SAMTOR: variants seen among roughly 807,000 people sequenced by gnomAD.
The protein encoded by SAMTOR is S-adenosylmethionine sensor upstream of mTORC1, also known as UPF0532 protein C7orf60.
At chr7:112,884,791 G>A in the SAMTOR span, among the ~76,000 whole-genome samples, 4 of 152,134 alleles carry the variant, frequency 2.6e-5, no homozygotes, top group African/African-American at 9.7e-5. Context: ...TCTGGAGGAT[G>A]GTGGCTCTCT....
the SAMTOR span, among the ~76,000 whole-genome samples, chr7:112,885,998 G>T: frequency 2.0e-5 from 3 of 152,166 alleles, no homozygotes; most frequent in African/African-American, 7.2e-5. Flanking sequence ...TACAATCATG[G>T]TGGAAGGGAA....
chr7:112,922,535 C>A, the SAMTOR span, among the ~76,000 whole-genome samples: 5 of 151,920 alleles, frequency 3.3e-5, no homozygotes, highest in Admixed American at 1.3e-4. Flanking sequence ...GGCCGCCATC[C>A]CATCTAGGAA....
chr7:112,870,313 C>T, the SAMTOR span, among the ~76,000 whole-genome samples: 1 of 152,154 alleles, frequency 6.6e-6, no homozygotes, highest in Non-Finnish European at 1.5e-5. Context: ...GGAAACCCAT[C>T]TGGCTAACAA....
At chr7:112,914,855 G>C in the SAMTOR span, among the ~76,000 whole-genome samples, 3 of 152,130 alleles carry the variant, frequency 2.0e-5, no homozygotes, top group African/African-American at 7.2e-5. Flanking sequence ...TGAAGCAAAA[G>C]GGAGAAAAGT....
chr7:112,838,338 T>C, the SAMTOR span, among the ~76,000 whole-genome samples: 4 of 151,950 alleles, frequency 2.6e-5, no homozygotes, highest in South Asian at 2.1e-4. Context: ...TTGTTAATCA[T>C]GTTGTTCAAA....
the SAMTOR span, among the ~76,000 whole-genome samples, chr7:112,856,735 A>G: frequency 2.0e-5 from 3 of 149,062 alleles, no homozygotes; most frequent in Non-Finnish European, 2.9e-5. Flanking sequence ...ATGTAAAAAT[A>G]TTTATTGTCC....
At chr7:112,853,148 T>G in the SAMTOR span, among the ~76,000 whole-genome samples, 3 of 152,280 alleles carry the variant, frequency 2.0e-5, no homozygotes, top group African/African-American at 7.2e-5. Context: ...TCCTTAAATT[T>G]TCACTTCTGA....
the SAMTOR span, among the ~76,000 whole-genome samples, chr7:112,907,851 T>G: frequency 6.9e-6 from 1 of 145,826 alleles, no homozygotes; most frequent in South Asian, 2.2e-4. Context: ...ACTTATTTAT[T>G]TATTTATTTA....
the SAMTOR span, among the ~76,000 whole-genome samples, chr7:112,884,526 G>A: frequency 6.6e-6 from 1 of 152,158 alleles, no homozygotes; most frequent in African/African-American, 2.4e-5. Context: ...AGGGGCTACA[G>A]GTTCCATATA....
chr7:112,917,581 G>C, the SAMTOR span, among the ~76,000 whole-genome samples: 2 of 152,216 alleles, frequency 1.3e-5, no homozygotes, highest in African/African-American at 4.8e-5. Context: ...ACCAGCAACG[G>C]AATAAAGCTT....
chr7:112,930,830 G>A, the SAMTOR span, among the ~76,000 whole-genome samples: 2 of 152,146 alleles, frequency 1.3e-5, no homozygotes, highest in Non-Finnish European at 2.9e-5. Context: ...GAAGTAGAGC[G>A]ATTAAGTAAA....
chr7:112,937,336 T>C, the SAMTOR span, among the ~76,000 whole-genome samples: 3 of 152,300 alleles, frequency 2.0e-5, no homozygotes, highest in African/African-American at 7.2e-5. Flanking sequence ...TTATTGGTGC[T>C]ATAGTTCAGG....
chr7:112,826,949 T>C, the SAMTOR span, among the ~76,000 whole-genome samples: 1 of 152,192 alleles, frequency 6.6e-6, no homozygotes, highest in African/African-American at 2.4e-5. Flanking sequence ...TTATCAGTTT[T>C]TGGTTTACAT....
At chr7:112,907,499 C>T in the SAMTOR span, among the ~76,000 whole-genome samples, 2 of 151,872 alleles carry the variant, frequency 1.3e-5, no homozygotes, top group Non-Finnish European at 2.9e-5. Context: ...ACTGATACAT[C>T]TAACTACACA....
At chr7:112,821,501 G>A in the SAMTOR span, 1 of 357,458 alleles carries the variant, frequency 2.8e-6, no homozygotes, top group Non-Finnish European at 5.0e-6. Flanking sequence ...TTCTATGATA[G>A]TGCTAAATGC....
the SAMTOR span, among the ~76,000 whole-genome samples, chr7:112,933,141 G>A: frequency 0.011 from 1,645 of 152,288 alleles, 30 homozygotes; most frequent in African/African-American, 0.037. Flanking sequence ...TGTTACTTAA[G>A]GAGGGTAGGG....
chr7:112,830,331 G>T, the SAMTOR span, among the ~76,000 whole-genome samples: 3 of 152,092 alleles, frequency 2.0e-5, no homozygotes, highest in African/African-American at 7.2e-5. Flanking sequence ...ATCTTGGCTG[G>T]AAGAGTAAGT....
chr7:112,918,410 C>T, the SAMTOR span, among the ~76,000 whole-genome samples: 1 of 152,134 alleles, frequency 6.6e-6, no homozygotes, highest in Non-Finnish European at 1.5e-5. Flanking sequence ...GAGATTTTGT[C>T]ACCATCAGGC....
At chr7:112,893,889 G>A in the SAMTOR span, among the ~76,000 whole-genome samples, 10 of 152,206 alleles carry the variant, frequency 6.6e-5, no homozygotes, top group Admixed American at 2.6e-4. Context: ...GCGACAGAGC[G>A]AGACTCCGTC....
Sources: gnomAD v4.1 joint callset for allele counts (sites outside exome capture counted in the v4.1 genomes callset) on GRCh38, gnomAD v4.1.1 for gene constraint, MANE v1.5 for transcripts, NCBI Gene and HGNC (gene_info 2026-07-23, HGNC 2026-07-21) for gene names.